The following COL23A1 variants were observed in gnomAD, a reference collection of about 807,000 sequenced individuals.
COL23A1 encodes the protein collagen type XXIII alpha 1 chain.
COL23A1 carries 97 observed loss-of-function variants against 99.3 expected under a neutral mutation model. The observed-to-expected ratio is 0.98, with a 90% CI of 0.83 to 1.16. The LOEUF (loss-of-function observed/expected upper bound fraction) is 1.16. COL23A1 is among the 50% of genes most tolerant of loss of function. The pLI is 0.00. For missense variants in COL23A1, 762 were observed against 757.4 expected, an observed-to-expected ratio of 1.01 and a Z score of -0.07; for synonymous variants, 320 against 308.2, an observed-to-expected ratio of 1.04 and a Z score of -0.40.
intron 2 of COL23A1, among the ~76,000 whole-genome samples, chr5:178,404,818 G>A (rs137900953): frequency 3.9e-4 from 60 of 152,264 alleles, no homozygotes; most frequent in African/African-American, 1.3e-3. Flanking sequence ...TGGGGTGTGC[G>A]AGCTGCAACT....
chr5:178,464,012 C>T (rs888612474), intron 2 of COL23A1, among the ~76,000 whole-genome samples: 4 of 152,230 alleles, frequency 2.6e-5, no homozygotes, highest in Admixed American at 6.5e-5. Context: ...CTCCCCAACA[C>T]CAGTTGGCAG....
intron 2 of COL23A1, among the ~76,000 whole-genome samples, chr5:178,549,018 T>C (rs1457686488): frequency 6.6e-6 from 1 of 151,842 alleles, no homozygotes; most frequent in Admixed American, 6.6e-5. Flanking sequence ...TTTTTTGAGA[T>C]GGAGTCTCGC....
Position 178,267,325 on chromosome 5 carries a change from T to A in COL23A1, c.504A>T (p.Pro168=), listed in dbSNP as rs757753366. 6.2e-7 allele frequency: 1 copy of A among 1,613,978 alleles called. No homozygotes were observed. The highest frequency in any genetic ancestry group is 1.7e-5 in the Admixed American group (1 of 59,976). ...LPGPKGEKGA[P]GDFGPRGDQG... is the part of the protein sequence containing the mutation. ...TTCTTACCCGGGGGCCAAAGTCTCC[T>A]GGTGCACCCTGGGAACAAAAGACAG... The change falls in exon 8 of 29, where the codon CCA becomes CCT. Residue 168 remains proline, a synonymous_variant. Transcript: ENST00000390654.
chr5:178,243,504 AAG>A (rs1581433211), intron 25 of COL23A1, among the ~76,000 whole-genome samples: 4 of 151,922 alleles, frequency 2.6e-5, no homozygotes, highest in Non-Finnish European at 5.9e-5. Flanking sequence ...AAAAAAAAAA[AAG>A]AAACAATTTT....
At chr5:178,265,996 C>T (rs1755873309) in intron 8 of COL23A1, among the ~76,000 whole-genome samples, 1 of 152,174 alleles carries the variant, frequency 6.6e-6, no homozygotes, top group South Asian at 2.1e-4. Flanking sequence ...AACCCTTACC[C>T]AGGGGCCATG....
rs528188434 is a variant in COL23A1 at position 178,240,838 on chromosome 5, G to A, written c.1581+1204C>T. ...ACATCCCCGTGGCTGGAGTGGCCAC[G>A]TCTGAATATCTGTCCAGTTTTAGTA... On this transcript the variant is annotated intron_variant, in intron 27 of 28. Transcript: ENST00000390654. 3.9e-5 allele frequency among the ~76,000 whole-genome samples: 6 copies of A among 152,338 alleles called. No homozygotes were observed. In the South Asian group the frequency reaches 6.2e-4, roughly 16 times the overall value.
At chr5:178,483,425 G>A (rs1027415748) in intron 2 of COL23A1, among the ~76,000 whole-genome samples, 7 of 152,026 alleles carry the variant, frequency 4.6e-5, no homozygotes, top group Admixed American at 2.0e-4. Flanking sequence ...GAATCCACTC[G>A]CCCTCAAGAC....
intron 2 of COL23A1, among the ~76,000 whole-genome samples, chr5:178,475,685 G>A (rs1756990632): frequency 6.6e-6 from 1 of 152,142 alleles, no homozygotes; most frequent in Non-Finnish European, 1.5e-5. Flanking sequence ...CTATGCTCAG[G>A]GTCACACGAG....
At chr5:178,241,267 GCACCAGTGCCTGAAAC>G (rs1764380731) in intron 27 of COL23A1, among the ~76,000 whole-genome samples, 1 of 152,036 alleles carries the variant, frequency 6.6e-6, no homozygotes, top group Admixed American at 6.5e-5. Context: ...GTTGTTTCAG[GCACCAGTGCCTGAAAC>G]CACTGGGGCT....
Position 178,467,654 on chromosome 5 carries a change from G to A in COL23A1, c.361+93028C>T, listed in dbSNP as rs79299732. 8.2e-3 allele frequency among the ~76,000 whole-genome samples: 1,244 copies of A among 152,110 alleles called. 16 individuals carry two copies. The highest frequency in any genetic ancestry group is 0.028 in the African/African-American group (1,166 of 41,486). The stretch of plus-strand genomic sequence containing the variant: ...GTGTGTTGCCAAATCCCCACCCCAC[G>A]GCACACCCGCTTCGTGATTTCTGCC... On this transcript the variant is annotated intron_variant, in intron 2 of 28. Coordinates refer to ENST00000390654, the MANE Select transcript of COL23A1 (RefSeq NM_173465.4).
chr5:178,250,197 C>T, intron 17 of COL23A1, 92 bp from the exon 18 acceptor site: 2 of 1,484,258 alleles, frequency 1.3e-6, no homozygotes, highest in Non-Finnish European at 1.9e-6. Context: ...TGCACCCGGC[C>T]CAGGGTGGGT....
intron 1 of COL23A1, among the ~76,000 whole-genome samples, chr5:178,576,002 C>G (rs1763333230): frequency 6.6e-6 from 1 of 152,202 alleles, no homozygotes; most frequent in African/African-American, 2.4e-5. Context: ...TCAAATTGGC[C>G]TGGACAGTGA....
chr5:178,285,732 G>A (rs1357861435), intron 5 of COL23A1, among the ~76,000 whole-genome samples: 1 of 152,224 alleles, frequency 6.6e-6, no homozygotes, highest in Non-Finnish European at 1.5e-5. Context: ...AGGGGCCTCC[G>A]AGGTGGCCCA....
intron 2 of COL23A1, among the ~76,000 whole-genome samples, chr5:178,346,320 AC>A (rs933112388): frequency 2.0e-5 from 3 of 151,356 alleles, no homozygotes; most frequent in Admixed American, 2.0e-4. Context: ...TGCAACCTCC[AC>A]CTCCCAGGTT....
intron 3 of COL23A1, among the ~76,000 whole-genome samples, chr5:178,297,268 C>A (rs1757795865): frequency 6.6e-6 from 1 of 152,268 alleles, no homozygotes; most frequent in African/African-American, 2.4e-5. Context: ...GGCCTGTAAT[C>A]CCAGCACTTT....
chr5:178,284,217 C>G (rs576319477), intron 5 of COL23A1, among the ~76,000 whole-genome samples: 1 of 152,178 alleles, frequency 6.6e-6, no homozygotes, highest in Non-Finnish European at 1.5e-5. Context: ...CTCTTAAACA[C>G]GGGTGATTTC....
Position 178,512,165 on chromosome 5 carries a change from C to T in COL23A1, c.361+48517G>A, listed in dbSNP as rs146562984. ...AGCAGAAAACTGGAAACAGCCTAAG[C>T]GTCCACCTGTAGAAGACTGGTTAAA... On this transcript the variant is annotated intron_variant, in intron 2 of 28. Coordinates refer to ENST00000390654, the MANE Select transcript of COL23A1 (RefSeq NM_173465.4). 5.9e-5 allele frequency among the ~76,000 whole-genome samples: 9 copies of T among 152,282 alleles called. No individual in the cohort carries two copies. The East Asian group carries it at 1.4e-3, about 23-fold the overall frequency.
At chr5:178,458,816 C>T (rs1428322990) in intron 2 of COL23A1, among the ~76,000 whole-genome samples, 1 of 152,196 alleles carries the variant, frequency 6.6e-6, no homozygotes, top group Non-Finnish European at 1.5e-5. Flanking sequence ...TTCTGTGCCT[C>T]CTGTGGGGCG....
intron 2 of COL23A1, among the ~76,000 whole-genome samples, chr5:178,491,088 AAG>A (rs886089222): frequency 2.6e-5 from 4 of 151,536 alleles, no homozygotes; most frequent in African/African-American, 4.8e-5. Flanking sequence ...GAGAAGAGAG[AAG>A]AGAGAGGAGG....
Sources: gnomAD v4.1 joint callset for allele counts (sites outside exome capture counted in the v4.1 genomes callset) on GRCh38, gnomAD v4.1.1 for gene constraint, MANE v1.5 for transcripts, NCBI Gene and HGNC (gene_info 2026-07-23, HGNC 2026-07-21) for gene names.